Variants in CEP128 observed in about 807,000 individuals in gnomAD.
CEP128 encodes the protein centrosomal protein 128.
CEP128 carries 132 observed loss-of-function variants against 156.7 expected under a neutral mutation model. The observed-to-expected ratio is 0.84, with a 90% CI of 0.73 to 0.97. The LOEUF (loss-of-function observed/expected upper bound fraction) is 0.97. Among genes scored for constraint, CEP128 ranks in the 50% least tolerant of loss-of-function variants. CEP128 has a pLI of 0.00. For synonymous variants in CEP128, 469 were observed against 448.9 expected (o/e 1.04, Z -0.57); for missense variants, 1,252 against 1,281.9 (o/e 0.98, Z 0.36).
chr14:80,676,341 C>T (rs1205121376), intron 19 of CEP128, among the ~76,000 whole-genome samples: 4 of 151,932 alleles, frequency 2.6e-5, no homozygotes, highest in Non-Finnish European at 5.9e-5. Context: ...TTTAAACTTA[C>T]GTTTCCTAAT....
intron 20 of CEP128, among the ~76,000 whole-genome samples, chr14:80,562,832 T>A (rs956159894): frequency 2.0e-5 from 3 of 151,844 alleles, no homozygotes; most frequent in Admixed American, 1.3e-4. Flanking sequence ...AGCTAATTTT[T>A]TTTTTACTTT....
rs181619655 is a variant in CEP128 at position 80,854,130 on chromosome 14, A to C, written c.762+8627T>G. ...ATTCACTATTAGAGAAAAGTGAATA[A>C]ACATAAAAATGAGTTAACACTTTAT... On this transcript the variant is annotated intron_variant, in intron 9 of 24. Coordinates refer to ENST00000555265, the MANE Select transcript of CEP128 (RefSeq NM_152446.5). 5.1e-3 allele frequency among the ~76,000 whole-genome samples: 783 copies of C among 152,276 alleles called. 10 individuals carry two copies. Among genetic ancestry groups the C allele is most frequent in the South Asian group, 0.018 (88 of 4,826 alleles).
chr14:80,745,570 C>T (rs1284490889), intron 18 of CEP128, among the ~76,000 whole-genome samples: 2 of 151,876 alleles, frequency 1.3e-5, no homozygotes, highest in African/African-American at 2.4e-5. Context: ...ATAATAAAGA[C>T]ACTCAAAAAA....
chr14:80,797,768 A>G (rs763807467), intron 13 of CEP128, among the ~76,000 whole-genome samples: 3 of 152,216 alleles, frequency 2.0e-5, no homozygotes, highest in Middle Eastern at 3.4e-3. Context: ...GTACAAACAC[A>G]TAATAAATCC....
intron 20 of CEP128, among the ~76,000 whole-genome samples, chr14:80,580,030 T>C (rs1403847490): frequency 6.6e-6 from 1 of 152,234 alleles, no homozygotes; most frequent in African/African-American, 2.4e-5. Context: ...TGACTTTCAC[T>C]TGAAAATGTA....
intron 19 of CEP128, among the ~76,000 whole-genome samples, chr14:80,697,025 G>A (rs1031275838): frequency 3.0e-4 from 46 of 152,106 alleles, no homozygotes; most frequent in African/African-American, 9.4e-4. Flanking sequence ...TTAAAGATCG[G>A]TCTTCAAGTG....
intron 8 of CEP128, among the ~76,000 whole-genome samples, chr14:80,869,575 T>C (rs1416014051): frequency 6.6e-6 from 1 of 151,806 alleles, no homozygotes; most frequent in Non-Finnish European, 1.5e-5. Context: ...CCACTGTCAA[T>C]AGAAGAAAGG....
intron 23 of CEP128, among the ~76,000 whole-genome samples, chr14:80,516,468 C>A (rs140306415): frequency 6.6e-6 from 1 of 152,260 alleles, no homozygotes; most frequent in East Asian, 1.9e-4. Context: ...CTTGACAGCC[C>A]TGGCTGTTGT....
chr14:80,647,482 C>T (rs1894714546), intron 19 of CEP128, among the ~76,000 whole-genome samples: 1 of 151,828 alleles, frequency 6.6e-6, no homozygotes, highest in Admixed American at 6.6e-5. Context: ...AGCTTCTTTC[C>T]CTGAACCCTA....
intron 19 of CEP128, among the ~76,000 whole-genome samples, chr14:80,589,605 T>C (rs369529440): frequency 6.6e-6 from 1 of 152,068 alleles, no homozygotes; most frequent in East Asian, 1.9e-4. Flanking sequence ...TGCGTTTAGC[T>C]CCTCAAAAAT....
At chr14:80,559,221 C>T (rs1251452515) in intron 21 of CEP128, 58 bp downstream of exon 21, 2 of 1,432,996 alleles carry the variant, frequency 1.4e-6, no homozygotes, top group East Asian at 2.3e-5. Flanking sequence ...GCTGTGAAAT[C>T]CACATCAGGA....
At chr14:80,596,105 G>GA (rs1005166270) in intron 19 of CEP128, among the ~76,000 whole-genome samples, 48 of 143,424 alleles carry the variant, frequency 3.3e-4, no homozygotes, top group Admixed American at 1.4e-4. Context: ...AACATAGACA[G>GA]AAAAAAAGGC....
At chr14:80,853,308 A>T (rs992733247) in intron 9 of CEP128, among the ~76,000 whole-genome samples, 10 of 147,870 alleles carry the variant, frequency 6.8e-5, no homozygotes, top group Non-Finnish European at 1.2e-4. Flanking sequence ...GCAATAAGAT[A>T]AAAAAAAAAG....
chr14:80,633,655 C>T (rs373740416), intron 19 of CEP128, among the ~76,000 whole-genome samples: 7 of 152,186 alleles, frequency 4.6e-5, no homozygotes, highest in South Asian at 2.1e-4. Context: ...CTTCCCACTA[C>T]GTATTCCCAT....
intron 13 of CEP128, among the ~76,000 whole-genome samples, chr14:80,810,159 T>TA (rs1294828986): frequency 1.3e-5 from 2 of 150,524 alleles, no homozygotes; most frequent in Non-Finnish European, 3.0e-5. Flanking sequence ...CCGTCTTTAC[T>TA]AAAAATACAA....
intron 19 of CEP128, 70 bp downstream of exon 19, chr14:80,743,005 T>A: frequency 1.4e-6 from 2 of 1,437,300 alleles, no homozygotes; most frequent in South Asian, 2.4e-5. Flanking sequence ...GAAGTAGGTT[T>A]TTTTCCAATC....
intron 4 of CEP128, among the ~76,000 whole-genome samples, 182 bp downstream of exon 4, chr14:80,914,140 A>G (rs1367977615): frequency 6.6e-6 from 1 of 152,236 alleles, no homozygotes; most frequent in Non-Finnish European, 1.5e-5. Context: ...TCTAATTTAT[A>G]TAAGCTAGTT....
Position 80,656,354 on chromosome 14 carries a change from A to AAAC in CEP128, c.2807-75934_2807-75932dup, listed in dbSNP as rs2140877621. Among the ~76,000 whole-genome samples, 2 of 122,430 alleles carry AAAC rather than the reference A, an allele frequency of 1.6e-5. 1 individual carries two copies. The highest frequency in any genetic ancestry group is 5.5e-4 in the South Asian group (2 of 3,632). 80.3% of individuals were successfully genotyped at this position (122,430 alleles called of 152,430 possible). A position where few individuals can be genotyped will look rare whatever the true frequency, so the allele number is the denominator to read the frequency against. On this transcript the variant is annotated intron_variant, in intron 19 of 24. Transcript: ENST00000555265. ...ATATATATATATAGCAATAAAAAAAAAACAACTAATTCAAGCGACAGCCCC... is the reference window on the plus strand; with the variant it reads ...ATATATATATATAGCAATAAAAAAAAAACAACAACTAATTCAAGCGACAGCCCC...
chr14:80,918,333 C>G (rs547924690), intron 2 of CEP128, among the ~76,000 whole-genome samples: 5 of 152,322 alleles, frequency 3.3e-5, no homozygotes, highest in African/African-American at 9.6e-5. Context: ...ATCTTTTACT[C>G]TAAGTTACAG....
Sources: gnomAD v4.1 joint callset for allele counts (sites outside exome capture counted in the v4.1 genomes callset) on GRCh38, gnomAD v4.1.1 for gene constraint, MANE v1.5 for transcripts, NCBI Gene and HGNC (gene_info 2026-07-23, HGNC 2026-07-21) for gene names.